Variants in MED27 observed in about 807,000 individuals in gnomAD.
MED27 encodes mediator complex subunit 27.
In MED27, 30 loss-of-function variants were observed where a neutral mutation model predicts 38.2. The observed-to-expected ratio is 0.79, with a 90% CI of 0.59 to 1.07. The LOEUF is 1.07. Ranked by LOEUF, MED27 falls within the 50% of genes least tolerant of loss-of-function variation. The probability of loss-of-function intolerance (pLI) is 0.00; values close to 1 mark genes in which losing one functional copy is unlikely to be tolerated. For synonymous variants in MED27, 122 were observed against 153.5 expected (o/e 0.79, Z 1.52); for missense variants, 289 against 397.5 (o/e 0.73, Z 2.32).
chr9:131,924,544 T>C (rs115400911), intron 4 of MED27, among the ~76,000 whole-genome samples: 3,926 of 152,268 alleles, frequency 0.026, 182 homozygotes, highest in African/African-American at 0.089. Flanking sequence ...TTTCTAATGA[T>C]GTTTTTGACC....
intron 2 of MED27, among the ~76,000 whole-genome samples, chr9:132,040,157 C>A (rs1003847834): frequency 1.3e-5 from 2 of 152,178 alleles, no homozygotes; most frequent in Admixed American, 1.3e-4. Context: ...GAGATTTCAC[C>A]TTGTCGTGCT....
At chr9:132,024,228 C>T (rs746564599) in intron 2 of MED27, among the ~76,000 whole-genome samples, 1 of 152,140 alleles carries the variant, frequency 6.6e-6, no homozygotes, top group African/African-American at 2.4e-5. Context: ...GTTGTCTTTG[C>T]GTTTATTGGG....
intron 4 of MED27, among the ~76,000 whole-genome samples, chr9:131,924,826 C>A (rs550542678): frequency 6.6e-6 from 1 of 152,128 alleles, no homozygotes; most frequent in Non-Finnish European, 1.5e-5. Context: ...CACATCATCA[C>A]CACCTTTAAA....
chr9:131,882,294 C>T (rs1248757819), intron 6 of MED27, among the ~76,000 whole-genome samples: 1 of 152,160 alleles, frequency 6.6e-6, no homozygotes, highest in Non-Finnish European at 1.5e-5. Flanking sequence ...CCATGACGCC[C>T]CTCTGATCCA....
At chr9:131,899,604 G>A (rs1829899084) in intron 4 of MED27, among the ~76,000 whole-genome samples, 1 of 152,182 alleles carries the variant, frequency 6.6e-6, no homozygotes, top group Non-Finnish European at 1.5e-5. Flanking sequence ...TTGGGCCTAG[G>A]GGTGCGGTGG....
intron 2 of MED27, among the ~76,000 whole-genome samples, chr9:132,045,465 T>C (rs1833314739): frequency 6.7e-6 from 1 of 149,690 alleles, no homozygotes; most frequent in African/African-American, 2.5e-5. Context: ...GACACACACC[T>C]TTTACATGCA....
intron 2 of MED27, among the ~76,000 whole-genome samples, chr9:132,048,136 A>G (rs1351689185): frequency 6.6e-6 from 1 of 152,202 alleles, no homozygotes; most frequent in Non-Finnish European, 1.5e-5. Context: ...TAATGAGCAC[A>G]TATTACTCTG....
intron 2 of MED27, among the ~76,000 whole-genome samples, chr9:132,038,681 G>T (rs969099482): frequency 2.6e-5 from 4 of 152,240 alleles, no homozygotes; most frequent in Non-Finnish European, 5.9e-5. Flanking sequence ...GATGACACCT[G>T]CAATGTGATC....
At chr9:131,963,104 T>C (rs1016656680) in intron 3 of MED27, among the ~76,000 whole-genome samples, 1 of 152,168 alleles carries the variant, frequency 6.6e-6, no homozygotes, top group African/African-American at 2.4e-5. Flanking sequence ...AAGCATAATG[T>C]TCAGCTAAAC....
chr9:131,970,372 T>C (rs1831449478), intron 3 of MED27, among the ~76,000 whole-genome samples: 2 of 152,192 alleles, frequency 1.3e-5, no homozygotes, highest in South Asian at 4.1e-4. Flanking sequence ...TGCAGACAGG[T>C]ACCCAGTACC....
At chr9:132,046,538 T>C (rs1833342480) in intron 2 of MED27, among the ~76,000 whole-genome samples, 1 of 152,170 alleles carries the variant, frequency 6.6e-6, no homozygotes, top group South Asian at 2.1e-4. Context: ...ACAGAATATA[T>C]GGAGCAGTTA....
intron 3 of MED27, among the ~76,000 whole-genome samples, chr9:132,007,224 C>A (rs1449749516): frequency 6.6e-6 from 1 of 152,134 alleles, no homozygotes; most frequent in Non-Finnish European, 1.5e-5. Context: ...GTTACTCAAA[C>A]CTGAGAGGCA....
intron 6 of MED27, among the ~76,000 whole-genome samples, chr9:131,877,813 A>G (rs967414214): frequency 2.6e-5 from 4 of 152,176 alleles, no homozygotes; most frequent in Non-Finnish European, 5.9e-5. Flanking sequence ...AATTTACGCT[A>G]GGTACTCCAC....
chr9:132,024,102 G>A (rs1271118630), intron 2 of MED27, among the ~76,000 whole-genome samples: 2 of 152,120 alleles, frequency 1.3e-5, no homozygotes, highest in African/African-American at 4.8e-5. Context: ...CAGTGAGATG[G>A]CCCTGAGTTC....
At chr9:131,903,700 T>A (rs754328700) in intron 4 of MED27, among the ~76,000 whole-genome samples, 1 of 152,170 alleles carries the variant, frequency 6.6e-6, no homozygotes, top group African/African-American at 2.4e-5. Context: ...AGGCACTCCC[T>A]GTATGGTGGC....
intron 2 of MED27, chr9:132,073,891 T>G (rs1397080258): frequency 9.0e-7 from 1 of 1,117,268 alleles, no homozygotes. Context: ...CGTCTTAGTC[T>G]GCTTTTCCAG....
intron 3 of MED27, among the ~76,000 whole-genome samples, chr9:131,993,869 G>C (rs749867625): frequency 3.9e-5 from 6 of 152,118 alleles, no homozygotes; most frequent in Non-Finnish European, 7.4e-5. Context: ...ATGCACGTTA[G>C]GTGAACTGGT....
intron 6 of MED27, among the ~76,000 whole-genome samples, chr9:131,879,727 C>T (rs749885313): frequency 6.6e-6 from 1 of 152,208 alleles, no homozygotes; most frequent in Non-Finnish European, 1.5e-5. Context: ...ACCCCACCCT[C>T]GCCAGTCGAC....
chr9:131,876,551 A>G (rs2131469910), intron 6 of MED27, among the ~76,000 whole-genome samples: 2 of 152,288 alleles, frequency 1.3e-5, no homozygotes, highest in Non-Finnish European at 2.9e-5. Flanking sequence ...GACCATTAAG[A>G]GAGAAGGTGG....
Sources: gnomAD v4.1 joint callset for allele counts (sites outside exome capture counted in the v4.1 genomes callset) on GRCh38, gnomAD v4.1.1 for gene constraint, MANE v1.5 for transcripts, NCBI Gene and HGNC (gene_info 2026-07-23, HGNC 2026-07-21) for gene names.